Variants in NPEPL1 observed in about 807,000 individuals in gnomAD.
NPEPL1 encodes aminopeptidase like 1.
NPEPL1 carries 45 observed loss-of-function variants against 52.4 expected under a neutral mutation model. That is an observed-to-expected ratio of 0.86 (90% CI 0.68 to 1.10). NPEPL1 has a LOEUF of 1.10. Among genes scored for constraint, NPEPL1 ranks in the 50% least tolerant of loss-of-function variants. The pLI is 0.00. For synonymous variants in NPEPL1, 360 were observed against 314.7 expected (o/e 1.14, Z -1.52); for missense variants, 696 against 710.9 (o/e 0.98, Z 0.24).
rs2084927855 is a variant in NPEPL1 at position 58,715,163 on chromosome 20, T to C, written c.1414-5T>C. On this transcript the variant is annotated splice_region_variant and splice_polypyrimidine_tract_variant and intron_variant, in intron 11 of 11. Transcript: ENST00000356091. Reference sequence around the variant, plus strand: ...CAGAGTCTGTGTCCTGCCCTTTGCTTGCAGGGTGAGCGAGCCACAGGCTTC... The same window carrying C: ...CAGAGTCTGTGTCCTGCCCTTTGCTCGCAGGGTGAGCGAGCCACAGGCTTC... 6.3e-7 allele frequency: 1 copy of C among 1,598,546 alleles called. No individual in the cohort carries two copies. The highest frequency in any genetic ancestry group is 8.5e-7 in the Non-Finnish European group (1 of 1,175,648).
intron 6 of NPEPL1, among the ~76,000 whole-genome samples, chr20:58,704,960 A>ATGTT (rs1375801432): frequency 1.3e-5 from 2 of 152,194 alleles, no homozygotes; most frequent in Non-Finnish European, 2.9e-5. Context: ...CACTTGAAAA[A>ATGTT]TGTTGGTTCA....
intron 2 of NPEPL1, 41 bp from the exon 3 acceptor site, chr20:58,694,381 C>A (rs563364040): frequency 1.3e-6 from 2 of 1,550,014 alleles, no homozygotes; most frequent in Non-Finnish European, 1.7e-6. Context: ...TCCCTGGTGG[C>A]GGCCCTTGCA....
chr20:58,705,707 C>T (rs1436773755), intron 6 of NPEPL1: 3 of 377,604 alleles, frequency 7.9e-6, no homozygotes, highest in African/African-American at 4.2e-5. Context: ...TTTGCAAGCC[C>T]AGTCCTGGCT....
At chr20:58,708,070 C>T (rs1259890972) in intron 7 of NPEPL1, among the ~76,000 whole-genome samples, 3 of 124,850 alleles carry the variant, frequency 2.4e-5, no homozygotes, top group Admixed American at 7.0e-5. Flanking sequence ...GGAGATAGAG[C>T]GAGACCCTGT....
chr20:58,689,674 C>T (rs2084314776), upstream of NPEPL1, among the ~76,000 whole-genome samples: 1 of 152,228 alleles, frequency 6.6e-6, no homozygotes, highest in Non-Finnish European at 1.5e-5. Context: ...TAACCGATCC[C>T]TCCAGGCCCA....
At chr20:58,705,274 G>A (rs542058356) in intron 6 of NPEPL1, among the ~76,000 whole-genome samples, 8 of 152,228 alleles carry the variant, frequency 5.3e-5, no homozygotes, top group Admixed American at 1.3e-4. Flanking sequence ...AGTAAAGATG[G>A]TGTCGTGGCC....
chr20:58,692,978 G>A lies in NPEPL1; in HGVS notation c.78G>A (p.Gly26=). The part of the protein sequence containing the change: ...DPQSRPLLLL[G]QLHHLHRVPW... ...AGAGCCGGCCCCTGCTGCTGCTCGG[G>A]CAGCTGCACCACCTGCACCGCGTGC... is the stretch of plus-strand genomic sequence containing the variant. The change falls in exon 1 of 12, where the codon GGG becomes GGA. Residue 26 remains glycine, a synonymous_variant. Coordinates refer to ENST00000356091, the MANE Select transcript of NPEPL1 (RefSeq NM_024663.4). This position sits in a 1 kb window ranked among gnomAD's most constrained non-coding sequence, Gnocchi z 5.7. 2.5e-6 allele frequency: 3 copies of A among 1,193,756 alleles called. No individual in the cohort carries two copies. Among genetic ancestry groups the A allele is most frequent in the Non-Finnish European group, 3.2e-6 (3 of 943,480 alleles). The allele number at this position is 1,193,756 out of a possible 1,614,324, so 73.9% of individuals were successfully genotyped here.
upstream of NPEPL1, chr20:58,691,296 A>G (rs1193063016): frequency 1.2e-5 from 8 of 652,040 alleles, no homozygotes; most frequent in Non-Finnish European, 2.2e-5. Flanking sequence ...AATAAGATCC[A>G]ATTAGCGTTG....
intron 7 of NPEPL1, among the ~76,000 whole-genome samples, chr20:58,712,176 G>A (rs933739684): frequency 2.0e-5 from 3 of 152,186 alleles, no homozygotes; most frequent in Admixed American, 6.5e-5. Context: ...ACAGGTTGGC[G>A]AGGCTTCATG....
chr20:58,715,137 C>T, intron 11 of NPEPL1, 31 bp from the exon 12 acceptor site: 1 of 1,581,452 alleles, frequency 6.3e-7, no homozygotes, highest in Non-Finnish European at 8.6e-7. Flanking sequence ...AGCCCCACGC[C>T]CAGAGTCTGT....
intron 1 of NPEPL1, 97 bp downstream of exon 1, chr20:58,693,147 CGCCGGGCCGGGCCCAACGAG>C (rs1175846028): frequency 1.6e-5 from 14 of 862,448 alleles, no homozygotes; most frequent in African/African-American, 3.7e-5. Context: ...CCCCCGCCGC[CGCCGGGCCGGGCCCAACGAG>C]GCCGGGCCGC....
chr20:58,689,822 A>G (rs111887963), upstream of NPEPL1, among the ~76,000 whole-genome samples: 1 of 150,664 alleles, frequency 6.6e-6, no homozygotes, highest in Non-Finnish European at 1.5e-5. Flanking sequence ...CACATGCACA[A>G]ACACACACAC....
chr20:58,714,202 C>T, intron 10 of NPEPL1, 109 bp downstream of exon 10: 5 of 1,266,536 alleles, frequency 3.9e-6, no homozygotes, highest in Non-Finnish European at 5.3e-6. Context: ...CCCCCAGAAG[C>T]AGCCACAGTG....
At chr20:58,712,209 A>G (rs2084863189) in intron 7 of NPEPL1, among the ~76,000 whole-genome samples, 1 of 152,170 alleles carries the variant, frequency 6.6e-6, no homozygotes, top group Non-Finnish European at 1.5e-5. Context: ...ATGCAGTCCA[A>G]GAGTCCCACA....
rs1444869339 is a variant in NPEPL1, at chr20:58,715,536, T to C, written c.*210T>C. 3 of 527,934 alleles carry C rather than the reference T, an allele frequency of 5.7e-6. No individual in the cohort carries two copies. The highest frequency in any genetic ancestry group is 9.8e-6 in the Non-Finnish European group (3 of 305,440). 32.7% of individuals were successfully genotyped at this position (527,934 alleles called of 1,614,324 possible). ...ACCGGGAAGCGCTGGGGCTTGTTTC[T>C]GTTTGTTACTTACAGGACTGAGACA... On this transcript the variant is annotated 3_prime_UTR_variant, in exon 12 of 12. Coordinates refer to ENST00000356091, the MANE Select transcript of NPEPL1 (RefSeq NM_024663.4).
chr20:58,706,329 C>T (rs1284302173), intron 6 of NPEPL1, among the ~76,000 whole-genome samples: 1 of 152,196 alleles, frequency 6.6e-6, no homozygotes, highest in Non-Finnish European at 1.5e-5. Flanking sequence ...CTGGTGGTGT[C>T]AGTGGGGGTG....
upstream of NPEPL1, among the ~76,000 whole-genome samples, chr20:58,689,669 G>A (rs938897120): frequency 1.2e-4 from 18 of 152,248 alleles, no homozygotes; most frequent in African/African-American, 4.3e-4. Flanking sequence ...CACTTTAACC[G>A]ATCCCTCCAG....
At chr20:58,702,356 T>G (rs1167836554) in intron 6 of NPEPL1, among the ~76,000 whole-genome samples, 1 of 152,194 alleles carries the variant, frequency 6.6e-6, no homozygotes, top group Admixed American at 6.5e-5. Context: ...GCTGCCTTCC[T>G]GACACTGAGC....
At chr20:58,699,301 C>T (rs1460643709) in intron 5 of NPEPL1, 23 bp downstream of exon 5, 2 of 1,581,780 alleles carry the variant, frequency 1.3e-6, no homozygotes, top group Admixed American at 1.8e-5. Flanking sequence ...TGCATCCCTG[C>T]AGCTCTTGGC....
Sources: allele counts gnomAD v4.1 joint callset (sites outside exome capture counted in the v4.1 genomes callset), GRCh38; gene constraint gnomAD v4.1.1; non-coding constraint Gnocchi (gnomAD v3.1); transcripts MANE v1.5; gene names NCBI Gene and HGNC (gene_info 2026-07-23, HGNC 2026-07-21).